The following SUPT3H variants were observed in gnomAD, a reference collection of about 807,000 sequenced individuals.
SUPT3H encodes transcription initiation protein SPT3 homolog.
SUPT3H carries 44 observed loss-of-function variants against 44.3 expected under a neutral mutation model. The ratio of observed to expected loss-of-function variants is 0.99; its 90% confidence interval spans 0.78 to 1.28. The LOEUF (loss-of-function observed/expected upper bound fraction) is 1.28. Ranked by LOEUF, SUPT3H falls within the 50% of genes most tolerant of loss-of-function variation. The pLI, the probability that SUPT3H is intolerant of heterozygous loss-of-function variation, is 0.00. For missense variants in SUPT3H, 380 were observed against 387.1 expected (o/e 0.98, Z 0.15); for synonymous variants, 124 against 125.6 (o/e 0.99, Z 0.09).
chr6:45,205,527 G>A (rs906512340), intron 2 of SUPT3H, among the ~76,000 whole-genome samples: 4 of 152,136 alleles, frequency 2.6e-5, no homozygotes, highest in Non-Finnish European at 5.9e-5. Flanking sequence ...GTTGCGGGTG[G>A]TGGCTCATGC....
chr6:45,307,513 G>A (rs1357091136), intron 2 of SUPT3H, among the ~76,000 whole-genome samples: 1 of 152,226 alleles, frequency 6.6e-6, no homozygotes, highest in East Asian at 1.9e-4. Flanking sequence ...AACAGGGTCT[G>A]GAGTGGAGCT....
intron 2 of SUPT3H, among the ~76,000 whole-genome samples, chr6:45,146,783 G>A (rs908264247): frequency 3.9e-5 from 6 of 152,078 alleles, no homozygotes; most frequent in Non-Finnish European, 7.4e-5. Context: ...AATCTGGTAA[G>A]TGGTAAGATT....
At chr6:44,891,841 C>G (rs1202865622) in intron 10 of SUPT3H, among the ~76,000 whole-genome samples, 1 of 150,382 alleles carries the variant, frequency 6.6e-6, no homozygotes, top group Non-Finnish European at 1.5e-5. Context: ...AGATTAGTGA[C>G]CAAAAAAAAA....
At chr6:44,985,183 A>ATAAG (rs1203616222) in intron 6 of SUPT3H, among the ~76,000 whole-genome samples, 49 of 65,084 alleles carry the variant, frequency 7.5e-4, no homozygotes, top group South Asian at 7.4e-4. Context: ...TACCAAATAA[A>ATAAG]TAAATAAATA....
At chr6:45,199,858 G>C (rs938504653) in intron 2 of SUPT3H, among the ~76,000 whole-genome samples, 6 of 151,514 alleles carry the variant, frequency 4.0e-5, no homozygotes, top group Non-Finnish European at 5.9e-5. Context: ...TCAAAGATTA[G>C]TTAAACATTA....
At chr6:45,158,374 A>G (rs1808366606) in intron 2 of SUPT3H, among the ~76,000 whole-genome samples, 1 of 138,350 alleles carries the variant, frequency 7.2e-6, no homozygotes, top group Non-Finnish European at 1.5e-5. Flanking sequence ...ATCTCGGCTC[A>G]CTGCAACTGA....
chr6:45,241,278 T>A (rs904670293), intron 2 of SUPT3H, among the ~76,000 whole-genome samples: 1 of 152,062 alleles, frequency 6.6e-6, no homozygotes, highest in Non-Finnish European at 1.5e-5. Context: ...CACTGTGACA[T>A]GTTCATGATG....
intron 2 of SUPT3H, among the ~76,000 whole-genome samples, chr6:45,267,935 A>G (rs576003016): frequency 2.0e-5 from 3 of 152,196 alleles, no homozygotes; most frequent in Non-Finnish European, 4.4e-5. Context: ...ACATACAAAT[A>G]ATTGTTGCCA....
At chr6:44,845,383 G>A (rs1351177124) in intron 10 of SUPT3H, among the ~76,000 whole-genome samples, 3 of 152,168 alleles carry the variant, frequency 2.0e-5, no homozygotes, top group Non-Finnish European at 2.9e-5. Context: ...TGGAGGGCTT[G>A]AATTCTAATT....
At chr6:45,212,479 CTATGTGTGTGTGTG>C (rs1354557918) in intron 2 of SUPT3H, among the ~76,000 whole-genome samples, 27 of 139,958 alleles carry the variant, frequency 1.9e-4, no homozygotes, top group Non-Finnish European at 2.7e-4. Flanking sequence ...TCCACCTCCA[CTATGTGTGTGTGTG>C]TGTGTGTGTG....
chr6:44,966,302 T>C (rs1052943444), intron 6 of SUPT3H, among the ~76,000 whole-genome samples: 1 of 152,028 alleles, frequency 6.6e-6, no homozygotes, highest in African/African-American at 2.4e-5. Context: ...ATGCTTACTC[T>C]TTACTGAGAT....
chr6:44,884,175 C>A (rs940769639), intron 10 of SUPT3H, among the ~76,000 whole-genome samples: 1 of 152,088 alleles, frequency 6.6e-6, no homozygotes, highest in Non-Finnish European at 1.5e-5. Context: ...AAAAAAGCAA[C>A]ACCATCAAAA....
chr6:45,083,167 CATTATT>C (rs112983311), intron 3 of SUPT3H, among the ~76,000 whole-genome samples: 21,244 of 143,754 alleles, frequency 0.15, 2,312 homozygotes, highest in African/African-American at 0.31. Context: ...ATTAAAGAAT[CATTATT>C]ATTATTATTA....
chr6:44,812,967 A>G (rs1766638655), intron 11 of SUPT3H, among the ~76,000 whole-genome samples: 2 of 152,140 alleles, frequency 1.3e-5, no homozygotes, highest in Non-Finnish European at 2.9e-5. Flanking sequence ...CAGCAGACGG[A>G]AGGCTAAAAA....
intron 3 of SUPT3H, among the ~76,000 whole-genome samples, chr6:45,101,934 C>CT (rs1469011722): frequency 6.6e-6 from 1 of 152,108 alleles, no homozygotes; most frequent in African/African-American, 2.4e-5. Context: ...AAAGAGAAGT[C>CT]TTTTCCTTCT....
At chr6:45,222,051 G>A (rs1766149630) in intron 2 of SUPT3H, among the ~76,000 whole-genome samples, 1 of 151,944 alleles carries the variant, frequency 6.6e-6, no homozygotes, top group Non-Finnish European at 1.5e-5. Context: ...TCAACAAATA[G>A]TGATGGAGCA....
rs776882434 is a variant in SUPT3H, at chr6:44,838,895, A to G, written c.913-9038T>C. 2.4e-4 allele frequency among the ~76,000 whole-genome samples: 36 copies of G among 152,350 alleles called. 1 individual carries two copies. Among genetic ancestry groups the G allele is most frequent in the Admixed American group, 2.2e-3 (33 of 15,306 alleles). On this transcript the variant is annotated intron_variant, in intron 10 of 10. Coordinates refer to ENST00000371459, the MANE Select transcript of SUPT3H (RefSeq NM_003599.4). ...CTGTGAACATACTTTTACCTTGTAC[A>G]TATTACACATCTATATTTCTAAAAC...
chr6:44,958,498 C>A (rs544187522), intron 7 of SUPT3H, among the ~76,000 whole-genome samples: 8 of 152,280 alleles, frequency 5.3e-5, no homozygotes, highest in African/African-American at 1.7e-4. Flanking sequence ...CTGGAAACTT[C>A]CCTAGCAGGA....
At chr6:45,097,180 G>C (rs1358850636) in intron 3 of SUPT3H, among the ~76,000 whole-genome samples, 2 of 152,160 alleles carry the variant, frequency 1.3e-5, no homozygotes, top group African/African-American at 4.8e-5. Context: ...TTTGGGGTAG[G>C]GATCTCAGAG....
Sources: gnomAD v4.1 joint callset for allele counts (sites outside exome capture counted in the v4.1 genomes callset) on GRCh38, gnomAD v4.1.1 for gene constraint, MANE v1.5 for transcripts, NCBI Gene and HGNC (gene_info 2026-07-23, HGNC 2026-07-21) for gene names.